Variants in NTM observed in about 807,000 individuals in gnomAD.
The protein encoded by NTM is IgLON family member 2.
NTM carries 13 observed loss-of-function variants against 42.1 expected under a neutral mutation model. The ratio of observed to expected loss-of-function variants is 0.31; its 90% CI spans 0.20 to 0.49. The LOEUF (loss-of-function observed/expected upper bound fraction) is 0.49. Among genes scored for constraint, NTM ranks in the 20% least tolerant of loss-of-function variants. The pLI is 0.99. For synonymous variants in NTM, 187 were observed against 179.2 expected, an observed-to-expected ratio of 1.04 and a Z score of -0.35; for missense variants, 373 against 452.8, an observed-to-expected ratio of 0.82 and a Z score of 1.60.
chr11:131,620,900 G>C (rs1389137482), intron 1 of NTM, among the ~76,000 whole-genome samples: 1 of 152,106 alleles, frequency 6.6e-6, no homozygotes, highest in Admixed American at 6.5e-5. Flanking sequence ...AAGAGTACTT[G>C]GCACATAGTA....
intron 1 of NTM, among the ~76,000 whole-genome samples, chr11:131,635,766 C>T (rs2064288932): frequency 6.6e-6 from 1 of 152,092 alleles, no homozygotes; most frequent in Non-Finnish European, 1.5e-5. Flanking sequence ...ATTCCCTCGC[C>T]TCTTCTCACT....
Position 131,420,670 on chromosome 11 carries a change from C to G in NTM, c.82+49782C>G, listed in dbSNP as rs942586703. 1.3e-4 allele frequency among the ~76,000 whole-genome samples: 20 copies of G among 152,204 alleles called. 1 individual carries two copies. The highest frequency in any genetic ancestry group is 1.2e-3 in the Admixed American group (18 of 15,290). On this transcript the variant is annotated intron_variant, in intron 1 of 8. Coordinates refer to ENST00000683400, the MANE Select transcript of NTM (RefSeq NM_001352005.2). ...CTCCCATTCTCATGCATCCCTGGCTCTTTCCCTTCTGCAGAGCAGCCATTG... is the reference window on the plus strand; with the variant it reads ...CTCCCATTCTCATGCATCCCTGGCTGTTTCCCTTCTGCAGAGCAGCCATTG...
chr11:131,789,615 A>G (rs1354156804), intron 1 of NTM, among the ~76,000 whole-genome samples: 5 of 87,522 alleles, frequency 5.7e-5, no homozygotes, highest in South Asian at 3.2e-4. Flanking sequence ...AAGAAGAAGA[A>G]GAAGAAGAAG....
rs115457658 is a variant in NTM, at chr11:131,558,234, G to C, written c.82+187346G>C. On this transcript the variant is annotated intron_variant, in intron 1 of 8. Transcript: ENST00000683400. ...TCCTTGGGAGCAGCACAGAGCCCCT[G>C]CAGCCCTCCCTAGTGCTAACCCCTC... 6.7e-3 allele frequency among the ~76,000 whole-genome samples: 1,022 copies of C among 152,192 alleles called. 4 individuals are homozygous for C. Among genetic ancestry groups the C allele is most frequent in the African/African-American group, 0.023 (950 of 41,522 alleles).
At chr11:131,763,503 G>T (rs553853583) in intron 1 of NTM, among the ~76,000 whole-genome samples, 4 of 152,074 alleles carry the variant, frequency 2.6e-5, no homozygotes, top group South Asian at 2.1e-4. Context: ...TGCCACACAT[G>T]ATAAGCTGTT....
intron 1 of NTM, among the ~76,000 whole-genome samples, chr11:131,830,861 G>C (rs1175798231): frequency 6.6e-6 from 1 of 152,076 alleles, no homozygotes; most frequent in African/African-American, 2.4e-5. Flanking sequence ...GTGTTTTATA[G>C]TTCTCCTTGT....
intron 1 of NTM, among the ~76,000 whole-genome samples, chr11:131,835,658 C>T (rs1435889719): frequency 6.6e-6 from 1 of 152,136 alleles, no homozygotes; most frequent in African/African-American, 2.4e-5. Context: ...TTGGTACAAA[C>T]ACTCTGGAAA....
chr11:131,882,114 GTACA>G (rs2049622236), intron 1 of NTM, among the ~76,000 whole-genome samples: 1 of 152,216 alleles, frequency 6.6e-6, no homozygotes, highest in Non-Finnish European at 1.5e-5. Context: ...GAATACATAT[GTACA>G]TTAGTCAGAA....
At chr11:132,332,518 C>CAACA (rs999920808) in intron 8 of NTM, 2 of 152,162 alleles carry the variant, frequency 1.3e-5, no homozygotes, top group African/African-American at 4.8e-5. Context: ...TTTTCTAACA[C>CAACA]AACAAACAGG....
At position 132,065,983 on chromosome 11, in the gene NTM, A is replaced by G. The variant is rs149128180; in HGVS notation, c.168-80299A>G. Among the ~76,000 whole-genome samples the G allele has an allele frequency of 3.7e-3, 556 of 152,178 alleles. 5 individuals are homozygous for G. The highest frequency in any genetic ancestry group is 0.012 in the African/African-American group (506 of 41,512). On this transcript the variant is annotated intron_variant, in intron 2 of 8. Transcript: ENST00000683400. ...TTGGTAAGTCTTTATTTTTTTTCCAATGTAAATTGGGGTTGTGGGGAGTGT... is the reference window on the plus strand; with the variant it reads ...TTGGTAAGTCTTTATTTTTTTTCCAGTGTAAATTGGGGTTGTGGGGAGTGT...
At chr11:131,946,129 G>T (rs2060320544) in intron 2 of NTM, among the ~76,000 whole-genome samples, 1 of 152,166 alleles carries the variant, frequency 6.6e-6, no homozygotes. Context: ...AGATAAATCA[G>T]GTGGGTAGAC....
chr11:131,731,343 C>T (rs1320955687), intron 1 of NTM, among the ~76,000 whole-genome samples: 10 of 152,006 alleles, frequency 6.6e-5, no homozygotes, highest in East Asian at 1.9e-4. Flanking sequence ...TAAAATAACT[C>T]GTTTAGTCTC....
At chr11:131,391,544 T>C (rs139100409) in intron 1 of NTM, among the ~76,000 whole-genome samples, 162 of 139,010 alleles carry the variant, frequency 1.2e-3, no homozygotes, top group Non-Finnish European at 1.9e-3. Context: ...GTATGTTTAA[T>C]AGGGGAAAAG....
chr11:131,440,647 G>A (rs1409947062), intron 1 of NTM, among the ~76,000 whole-genome samples: 1 of 151,434 alleles, frequency 6.6e-6, no homozygotes, highest in East Asian at 1.9e-4. Flanking sequence ...TGTTGGTTTG[G>A]GAACTACATT....
At chr11:131,876,072 G>A (rs2048497813) in intron 1 of NTM, among the ~76,000 whole-genome samples, 1 of 152,168 alleles carries the variant, frequency 6.6e-6, no homozygotes, top group East Asian at 1.9e-4. Context: ...GGCATTTGAA[G>A]GGGGATAAAG....
intron 2 of NTM, among the ~76,000 whole-genome samples, chr11:132,115,628 G>A (rs1489966647): frequency 6.6e-6 from 1 of 152,186 alleles, no homozygotes; most frequent in Non-Finnish European, 1.5e-5. Context: ...GTGATGCTCT[G>A]TTCTACGCAC....
intron 1 of NTM, among the ~76,000 whole-genome samples, chr11:131,523,599 G>A (rs1206622966): frequency 1.3e-5 from 2 of 151,978 alleles, no homozygotes. Context: ...GGCCAGCCTG[G>A]CCAACATGGT....
chr11:131,702,241 T>G (rs1731367485), intron 1 of NTM, among the ~76,000 whole-genome samples: 1 of 152,308 alleles, frequency 6.6e-6, no homozygotes, highest in Admixed American at 6.5e-5. Flanking sequence ...GCTTTTCCAA[T>G]GAGCTTTACT....
intron 1 of NTM, among the ~76,000 whole-genome samples, chr11:131,474,540 T>C (rs1952740444): frequency 6.6e-6 from 1 of 152,138 alleles, no homozygotes; most frequent in Admixed American, 6.5e-5. Context: ...TCAGGCTCTT[T>C]ATATCCAGCA....
Sources: allele counts gnomAD v4.1 joint callset (sites outside exome capture counted in the v4.1 genomes callset), GRCh38; gene constraint gnomAD v4.1.1; transcripts MANE v1.5; gene names NCBI Gene and HGNC (gene_info 2026-07-23, HGNC 2026-07-21).